Variants in CACHD1 observed in about 807,000 individuals in gnomAD.
The protein encoded by CACHD1 is VWFA and cache domain-containing protein 1.
A neutral mutation model predicts 138.7 loss-of-function variants in CACHD1; 71 were observed. The observed-to-expected ratio is 0.51, with a 90% confidence interval of 0.42 to 0.62. CACHD1 has a LOEUF of 0.62. Among genes scored for constraint, CACHD1 ranks in the 20% least tolerant of loss-of-function variants. The pLI, the probability that CACHD1 is intolerant of heterozygous loss-of-function variation, is 0.00. For missense variants in CACHD1, 1,389 were observed against 1,625.3 expected, an observed-to-expected ratio of 0.85 and a Z score of 2.50; for synonymous variants, 578 against 591.5, an observed-to-expected ratio of 0.98 and a Z score of 0.33.
rs766771190 is a variant in CACHD1, at chr1:64,682,068, G to A, written c.3548G>A (p.Arg1183His). ...ERHAHSPERR[R>H]RYWGRSGTES... Reference sequence around the variant, plus strand: ...CATGCACACAGTCCAGAAAGAAGGCGCCGCTACTGGGGTCGATCAGGAACA... The same window carrying A: ...CATGCACACAGTCCAGAAAGAAGGCACCGCTACTGGGGTCGATCAGGAACA... Residue 1183 changes from arginine (R) to histidine (H), a missense_variant, in exon 26 of 27, where the codon CGC (arginine) becomes CAC (histidine). By Grantham distance (29) the Arg-to-His change is conservative. Around this residue, in one of 5 missense-constraint regions of CACHD1, gnomAD observed 250 missense variants for 292.9 expected, o/e 0.85. Transcript: ENST00000651257. 16 of 1,613,926 alleles carry A rather than the reference G, an allele frequency of 9.9e-6. No individual in the cohort carries two copies. The highest frequency in any genetic ancestry group is 5.5e-5 in the South Asian group (5 of 91,072).
chr1:64,475,551 A>T (rs183319502), intron 1 of CACHD1, among the ~76,000 whole-genome samples: 2 of 150,350 alleles, frequency 1.3e-5, no homozygotes, highest in East Asian at 4.0e-4. Context: ...TTATTTATTT[A>T]TTTTTTATAT....
intron 1 of CACHD1, among the ~76,000 whole-genome samples, chr1:64,530,330 A>G (rs1646572599): frequency 6.6e-6 from 1 of 152,224 alleles, no homozygotes; most frequent in Non-Finnish European, 1.5e-5. Flanking sequence ...CAACTTCTTA[A>G]ATAGTCAGTG....
intron 3 of CACHD1, among the ~76,000 whole-genome samples, chr1:64,601,061 G>A (rs560439596): frequency 2.4e-4 from 37 of 152,232 alleles, no homozygotes; most frequent in Admixed American, 1.8e-3. Context: ...GATTGCCCTG[G>A]TCTAGACCAG....
intron 1 of CACHD1, among the ~76,000 whole-genome samples, chr1:64,509,347 C>T (rs1023042976): frequency 6.6e-6 from 1 of 152,144 alleles, no homozygotes; most frequent in Non-Finnish European, 1.5e-5. Context: ...CTCAGCTCTG[C>T]CCAGGAGGGA....
At position 64,521,877 on chromosome 1, in the gene CACHD1, GAT is replaced by G. The variant is rs545956193; in HGVS notation, c.199-28712_199-28711del. On this transcript the variant is annotated intron_variant, in intron 1 of 26. Transcript: ENST00000651257. ...TATAGTCTAGATACAAGTCTCATCA[GAT>G]ATATGATTTGCAAATATTTTCTCCC... 1.1e-3 allele frequency among the ~76,000 whole-genome samples: 161 copies of G among 152,268 alleles called. 1 individual carries two copies. The highest frequency in any genetic ancestry group is 8.8e-5 in the Non-Finnish European group (6 of 68,034).
chr1:64,594,258 A>AG (rs1243925710), intron 3 of CACHD1, among the ~76,000 whole-genome samples: 4 of 151,810 alleles, frequency 2.6e-5, no homozygotes, highest in African/African-American at 9.7e-5. Flanking sequence ...TTGTCTAAAA[A>AG]AAAAAAAAAA....
intron 1 of CACHD1, among the ~76,000 whole-genome samples, chr1:64,515,176 T>A (rs1478602292): frequency 6.6e-6 from 1 of 152,228 alleles, no homozygotes; most frequent in Non-Finnish European, 1.5e-5. Flanking sequence ...TAGATTTTCC[T>A]TCCAGCAAAT....
intron 3 of CACHD1, among the ~76,000 whole-genome samples, chr1:64,592,230 A>T (rs1647112058): frequency 6.6e-6 from 1 of 152,232 alleles, no homozygotes; most frequent in Non-Finnish European, 1.5e-5. Context: ...TGATGAATTT[A>T]AAAAATATAC....
chr1:64,623,158 T>C (rs1335783451), intron 4 of CACHD1, among the ~76,000 whole-genome samples: 1 of 152,100 alleles, frequency 6.6e-6, no homozygotes, highest in Admixed American at 6.6e-5. Context: ...TCCCAACACT[T>C]TGGGAGGCCG....
rs749876404 is a variant in CACHD1 at position 64,602,829 on chromosome 1, A to G, written c.434A>G (p.Asn145Ser). 3.7e-6 allele frequency: 6 copies of G among 1,612,892 alleles called. No individual in the cohort carries two copies. Among genetic ancestry groups the G allele is most frequent in the Non-Finnish European group, 5.1e-6 (6 of 1,179,128 alleles). ...AGATTCGATGGGAACTTTAATACCA[A>G]TGTGTCTAGAACAATTAGTTGTGAT... ...MMEFDGNFNTNVSRTISCDRL... is the reference protein window; with the variant it reads ...MMEFDGNFNTSVSRTISCDRL... Residue 145 changes from asparagine (N) to serine (S), a missense_variant, in exon 4 of 27, where the codon AAT (asparagine) becomes AGT (serine). By Grantham distance (46) the Asn-to-Ser change is conservative. This residue lies in a region of CACHD1 where 1,000 missense variants were observed against 1,114.7 expected (regional missense o/e 0.90). Transcript: ENST00000651257.
At chr1:64,684,363 CTTTTT>C (rs397980387) in intron 26 of CACHD1, among the ~76,000 whole-genome samples, 18 of 54,968 alleles carry the variant, frequency 3.3e-4, no homozygotes, top group African/African-American at 1.2e-3. Flanking sequence ...TCTTCTTCTT[CTTTTT>C]TTTTTTTTTT....
At position 64,548,122 on chromosome 1, in the gene CACHD1, G is replaced by A. The variant is rs185481627; in HGVS notation, c.199-2472G>A. On this transcript the variant is annotated intron_variant, in intron 1 of 26. Transcript: ENST00000651257. ...AAAACACAGCCTCCTGAACCCTTCC[G>A]GGCATATATTCTTTATTACTACTGA... is the stretch of plus-strand genomic sequence containing the variant. 5.6e-4 allele frequency among the ~76,000 whole-genome samples: 85 copies of A among 152,178 alleles called. No individual in the cohort carries two copies. In the East Asian group the frequency reaches 9.3e-3, roughly 17 times the overall value.
chr1:64,665,724 T>C (rs981572930), intron 15 of CACHD1, among the ~76,000 whole-genome samples: 5 of 152,110 alleles, frequency 3.3e-5, no homozygotes, highest in East Asian at 1.9e-4. Flanking sequence ...TACTTAAAAA[T>C]AACATGACTT....
intron 1 of CACHD1, among the ~76,000 whole-genome samples, chr1:64,530,089 G>T (rs1214326132): frequency 1.3e-5 from 2 of 152,164 alleles, no homozygotes; most frequent in Non-Finnish European, 2.9e-5. Flanking sequence ...CATCCTTCAT[G>T]GTCAGGATTT....
chr1:64,596,398 A>T (rs1647152063), intron 3 of CACHD1, among the ~76,000 whole-genome samples: 1 of 152,192 alleles, frequency 6.6e-6, no homozygotes, highest in South Asian at 2.1e-4. Flanking sequence ...AGGTGAAGAG[A>T]TATGTCTCCG....
chr1:64,640,692 G>GAC lies in CACHD1; in HGVS notation c.1007-1089_1007-1088dup, dbSNP rs35423621. On this transcript the variant is annotated intron_variant, in intron 7 of 26. Transcript: ENST00000651257. ...CAGTCTTAAAATATATATATATACA[G>GAC]ACACACACACACACACACACACACA... 5.9e-4 allele frequency among the ~76,000 whole-genome samples: 85 copies of GAC among 143,784 alleles called. 1 individual carries two copies. Among genetic ancestry groups the GAC allele is most frequent in the East Asian group, 4.9e-3 (24 of 4,880 alleles). 94.3% of individuals were successfully genotyped at this position (143,784 alleles called of 152,430 possible).
intron 1 of CACHD1, among the ~76,000 whole-genome samples, chr1:64,490,402 C>T (rs1484682571): frequency 6.6e-6 from 1 of 152,178 alleles, no homozygotes; most frequent in Non-Finnish European, 1.5e-5. Flanking sequence ...AAAGCACATA[C>T]TTCTTCCTGT....
chr1:64,555,825 C>G (rs1444089006), intron 2 of CACHD1, among the ~76,000 whole-genome samples: 1 of 152,196 alleles, frequency 6.6e-6, no homozygotes, highest in Non-Finnish European at 1.5e-5. Context: ...TTTCTTCCCC[C>G]ATATGTGTTT....
chr1:64,502,002 A>G (rs1646342925), intron 1 of CACHD1, among the ~76,000 whole-genome samples: 1 of 152,226 alleles, frequency 6.6e-6, no homozygotes, highest in Non-Finnish European at 1.5e-5. Flanking sequence ...AAATTCCCCA[A>G]CAGCAAGTTG....
Sources: gnomAD v4.1 joint callset for allele counts (sites outside exome capture counted in the v4.1 genomes callset) on GRCh38, gnomAD v4.1.1 for gene constraint, gnomAD v4.1.1 regional missense constraint, MANE v1.5 for transcripts, NCBI Gene and HGNC (gene_info 2026-07-23, HGNC 2026-07-21) for gene names.